Variants in RBFOX1 observed in about 807,000 individuals in gnomAD.
RBFOX1 encodes the protein RNA binding protein fox-1 homolog 1.
A neutral mutation model predicts 57.7 loss-of-function variants in RBFOX1; 8 were observed. That is an observed-to-expected ratio of 0.14 (90% CI 0.08 to 0.25). The LOEUF (loss-of-function observed/expected upper bound fraction) is 0.25, where lower values mean the gene tolerates loss of function less well. Ranked by LOEUF, RBFOX1 falls within the 10% of genes least tolerant of loss-of-function variation. RBFOX1 has a pLI of 1.00. For missense variants in RBFOX1, 611 were observed against 548.5 expected, an observed-to-expected ratio of 1.11 and a Z score of -1.14; for synonymous variants, 326 against 222.4, an observed-to-expected ratio of 1.47 and a Z score of -4.15.
intron 4 of RBFOX1, among the ~76,000 whole-genome samples, chr16:7,053,219 C>T (rs575771047): frequency 6.6e-6 from 1 of 152,086 alleles, no homozygotes; most frequent in East Asian, 1.9e-4. Flanking sequence ...TGCATGAAAC[C>T]GAGAAAGTGA....
At chr16:6,346,735 A>G (rs946086210) in intron 2 of RBFOX1, among the ~76,000 whole-genome samples, 10 of 152,174 alleles carry the variant, frequency 6.6e-5, no homozygotes, top group African/African-American at 2.4e-4. Context: ...TTTTGAGGTT[A>G]TGATGTTGGA....
At chr16:6,909,778 C>G (rs36012551) in intron 3 of RBFOX1, among the ~76,000 whole-genome samples, 34,122 of 151,982 alleles carry the variant, frequency 0.22, 4,052 homozygotes, top group East Asian at 0.31. Flanking sequence ...GAGTGTGGTT[C>G]TTCCCTTATT....
chr16:6,833,007 A>G (rs1359911411), intron 3 of RBFOX1, among the ~76,000 whole-genome samples: 2 of 152,176 alleles, frequency 1.3e-5, no homozygotes, highest in South Asian at 2.1e-4. Flanking sequence ...CTAATGTTCT[A>G]ACTCAGCACT....
chr16:6,153,047 T>TGTTG (rs201386457), intron 1 of RBFOX1, among the ~76,000 whole-genome samples: 31 of 151,026 alleles, frequency 2.1e-4, no homozygotes, highest in African/African-American at 7.3e-4. Context: ...TTTTTTTTTT[T>TGTTG]TTGTTAATTT....
chr16:5,699,958 G>T lies in RBFOX1; in HGVS notation c.318+100997G>T, dbSNP rs192647996. Among the ~76,000 whole-genome samples, 767 of 152,222 alleles carry T rather than the reference G, an allele frequency of 5.0e-3. 8 individuals are homozygous for T. Among genetic ancestry groups the T allele is most frequent in the African/African-American group, 0.018 (739 of 41,524 alleles). On this transcript the variant is annotated intron_variant, in intron 3 of 19. Coordinates refer to the RBFOX1 transcript ENST00000641259. The stretch of plus-strand genomic sequence containing the variant: ...ACGCCATTCTCCTGCTCAGCCTCCT[G>T]AGTAGCTGGGACTACAGGCGCCCGC...
intron 3 of RBFOX1, among the ~76,000 whole-genome samples, chr16:6,778,026 C>G (rs1410066790): frequency 6.6e-6 from 1 of 152,056 alleles, no homozygotes; most frequent in Non-Finnish European, 1.5e-5. Flanking sequence ...CATGTGTGAA[C>G]TCATAAGGTG....
intron 3 of RBFOX1, among the ~76,000 whole-genome samples, chr16:6,735,089 G>A (rs939917643): frequency 9.9e-5 from 15 of 152,072 alleles, no homozygotes; most frequent in Non-Finnish European, 1.9e-4. Context: ...AGGCTTCAGC[G>A]AGCCATGATT....
intron 3 of RBFOX1, among the ~76,000 whole-genome samples, chr16:5,646,727 C>T (rs547849814): frequency 2.7e-4 from 41 of 152,194 alleles, no homozygotes; most frequent in Admixed American, 1.6e-3. Flanking sequence ...CTCTGTCTTC[C>T]AGGTTCACAC....
chr16:7,225,915 TATATAA>T, intron 4 of RBFOX1, among the ~76,000 whole-genome samples: 1 of 148,246 alleles, frequency 6.7e-6, no homozygotes, highest in Admixed American at 6.7e-5. Context: ...AATATATATA[TATATAA>T]ATGTGAATGT....
At chr16:6,133,162 A>G (rs565358341) in intron 1 of RBFOX1, among the ~76,000 whole-genome samples, 27 of 151,956 alleles carry the variant, frequency 1.8e-4, no homozygotes, top group African/African-American at 7.3e-5. Flanking sequence ...CTGGGGCTCA[A>G]TTCTCTTGGG....
At chr16:6,004,471 G>T (rs545110088) in intron 4 of RBFOX1, among the ~76,000 whole-genome samples, 2 of 152,360 alleles carry the variant, frequency 1.3e-5, no homozygotes, top group East Asian at 1.9e-4. Context: ...AAATGGGTCA[G>T]TGTGATATGC....
chr16:6,114,662 C>A (rs1665562350), intron 1 of RBFOX1, among the ~76,000 whole-genome samples: 1 of 152,102 alleles, frequency 6.6e-6, no homozygotes, highest in South Asian at 2.1e-4. Flanking sequence ...CTTGCCTTGT[C>A]TGTTGGCACC....
chr16:6,522,796 C>G (rs530576074), intron 2 of RBFOX1, among the ~76,000 whole-genome samples: 4 of 152,274 alleles, frequency 2.6e-5, no homozygotes, highest in Non-Finnish European at 4.4e-5. Context: ...ATAATGCAAC[C>G]CAAACCTTTG....
At chr16:7,037,091 G>T (rs1233785719) in intron 3 of RBFOX1, among the ~76,000 whole-genome samples, 1 of 152,134 alleles carries the variant, frequency 6.6e-6, no homozygotes, top group South Asian at 2.1e-4. Flanking sequence ...GTGGGTTTTG[G>T]CTGGCTTCTT....
At chr16:5,718,014 G>C (rs575418373) in intron 3 of RBFOX1, among the ~76,000 whole-genome samples, 3 of 152,208 alleles carry the variant, frequency 2.0e-5, no homozygotes, top group African/African-American at 7.2e-5. Flanking sequence ...CTCATGATGA[G>C]CAGAGTGGAC....
chr16:7,492,178 C>T (rs1357161916), intron 4 of RBFOX1, among the ~76,000 whole-genome samples: 1 of 152,210 alleles, frequency 6.6e-6, no homozygotes, highest in Admixed American at 6.5e-5. Flanking sequence ...GAATTCCCAA[C>T]ATAACCTAAG....
intron 3 of RBFOX1, among the ~76,000 whole-genome samples, chr16:6,903,256 C>T (rs568045094): frequency 5.6e-4 from 85 of 152,280 alleles, no homozygotes; most frequent in African/African-American, 1.9e-3. Flanking sequence ...ATTGTAGCTG[C>T]CGCCAGGGGA....
chr16:6,724,771 G>A (rs560221608), intron 3 of RBFOX1, among the ~76,000 whole-genome samples: 25 of 152,058 alleles, frequency 1.6e-4, no homozygotes, highest in African/African-American at 5.5e-4. Flanking sequence ...TACACTTGCA[G>A]AATGTGCAGG....
chr16:7,670,785 G>A (rs2071162604), intron 13 of RBFOX1, among the ~76,000 whole-genome samples: 1 of 152,148 alleles, frequency 6.6e-6, no homozygotes, highest in Non-Finnish European at 1.5e-5. Flanking sequence ...GTCTGCCCTA[G>A]AATTGGAGAA....
Sources: allele counts gnomAD v4.1 joint callset (sites outside exome capture counted in the v4.1 genomes callset), GRCh38; gene constraint gnomAD v4.1.1; transcripts MANE v1.5; gene names NCBI Gene and HGNC (gene_info 2026-07-23, HGNC 2026-07-21).